The following RUFY2 variants were observed in gnomAD, a reference collection of about 807,000 sequenced individuals.
RUFY2 encodes RUN and FYVE domain containing 2, also known as RUN and FYVE domain-containing protein 2.
RUFY2 carries 49 observed loss-of-function variants against 94.4 expected under a neutral mutation model. The observed-to-expected ratio is 0.52, with a 90% confidence interval of 0.41 to 0.66. The LOEUF is 0.66. Among genes scored for constraint, RUFY2 ranks in the 30% least tolerant of loss-of-function variants. RUFY2 has a pLI of 0.00. For missense variants in RUFY2, 541 were observed against 692.8 expected (o/e 0.78, Z 2.46); for synonymous variants, 255 against 235.7 (o/e 1.08, Z -0.75).
intron 13 of RUFY2, among the ~76,000 whole-genome samples, chr10:68,376,560 T>C (rs1162993609): frequency 7.1e-6 from 1 of 140,354 alleles, no homozygotes; most frequent in Non-Finnish European, 1.5e-5. Flanking sequence ...ACTCAGCACC[T>C]AGAAACATAA....
At chr10:68,379,757 CAG>C (rs780234220) in intron 11 of RUFY2, among the ~76,000 whole-genome samples, 19 of 151,924 alleles carry the variant, frequency 1.3e-4, no homozygotes, top group Admixed American at 7.2e-4. Flanking sequence ...TTGAAATGAA[CAG>C]AGTTACTTTA....
intron 15 of RUFY2, among the ~76,000 whole-genome samples, chr10:68,358,415 C>T (rs943086700): frequency 2.0e-5 from 3 of 152,078 alleles, no homozygotes; most frequent in Non-Finnish European, 2.9e-5. Context: ...TTGACTCTTA[C>T]GGTGGAAATA....
intron 16 of RUFY2, among the ~76,000 whole-genome samples, chr10:68,349,561 CAG>C (rs1212797830): frequency 6.6e-6 from 1 of 151,674 alleles, no homozygotes; most frequent in African/African-American, 2.4e-5. Flanking sequence ...TTTTTTGAGA[CAG>C]AGTCTCGCTC....
At chr10:68,382,258 A>G (rs1367545791) in intron 10 of RUFY2, among the ~76,000 whole-genome samples, 6 of 149,778 alleles carry the variant, frequency 4.0e-5, no homozygotes, top group African/African-American at 1.5e-4. Context: ...GGGTTTCACC[A>G]TGTTAGCCAG....
At chr10:68,407,118 C>T in intron 1 of RUFY2, 68 bp downstream of exon 1, 4 of 1,515,856 alleles carry the variant, frequency 2.6e-6, no homozygotes, top group Non-Finnish European at 3.5e-6. Flanking sequence ...CCCAGTCCAC[C>T]CCGCCTGGCC....
chr10:68,388,241 G>A (rs1023754389), intron 7 of RUFY2, among the ~76,000 whole-genome samples: 1 of 152,024 alleles, frequency 6.6e-6, no homozygotes, highest in African/African-American at 2.4e-5. Context: ...GAGGTTGGTG[G>A]ATCATGAAGT....
chr10:68,367,379 T>A (rs1287398315), intron 13 of RUFY2, among the ~76,000 whole-genome samples: 1 of 152,196 alleles, frequency 6.6e-6, no homozygotes, highest in Non-Finnish European at 1.5e-5. Context: ...CATTAATAAA[T>A]CTGATGACTT....
chr10:68,367,981 T>TC (rs1375447729), intron 13 of RUFY2, among the ~76,000 whole-genome samples: 1 of 151,388 alleles, frequency 6.6e-6, no homozygotes, highest in Non-Finnish European at 1.5e-5. Context: ...TTTTTTTTTT[T>TC]TTGAGACGGA....
chr10:68,397,201 G>C (rs1372339811), intron 3 of RUFY2, among the ~76,000 whole-genome samples: 1 of 152,010 alleles, frequency 6.6e-6, no homozygotes, highest in African/African-American at 2.4e-5. Context: ...AAACCTAGAT[G>C]GTATACACAC....
At chr10:68,369,498 A>AC (rs2048104820) in intron 13 of RUFY2, among the ~76,000 whole-genome samples, 1 of 1,054 alleles carries the variant, frequency 9.5e-4, no homozygotes, top group Non-Finnish European at 1.6e-3. Flanking sequence ...AAAAAAAAAC[A>AC]AAAAAAAAAA....
intron 13 of RUFY2, among the ~76,000 whole-genome samples, chr10:68,367,831 G>A (rs1245772080): frequency 1.3e-5 from 2 of 149,764 alleles, no homozygotes; most frequent in Admixed American, 6.7e-5. Context: ...AACTCCTGGC[G>A]TCAAGCAATC....
At position 68,345,497 on chromosome 10, in the gene RUFY2, T is replaced by TA; in HGVS notation, c.*270dup. 2.4e-6 allele frequency: 1 copy of TA among 417,286 alleles called. No individual in the cohort carries two copies. Among genetic ancestry groups the TA allele is most frequent in the Non-Finnish European group, 4.2e-6 (1 of 237,844 alleles). 25.8% of individuals were successfully genotyped at this position (417,286 alleles called of 1,614,324 possible). A position where few individuals can be genotyped will look rare whatever the true frequency, so the allele number is the denominator to read the frequency against. ...TCTGAAGCCTTATTTTTAAGGCCTT[T>TA]ACAAGATAAGGCAAGTTGTGTTAGC... On this transcript the variant is annotated 3_prime_UTR_variant, in exon 18 of 18. Transcript: ENST00000602465.
At chr10:68,341,834 A>T (rs958766183), downstream of RUFY2, 2 of 1,610,234 alleles carry the variant, frequency 1.2e-6, no homozygotes, top group Non-Finnish European at 1.7e-6. Flanking sequence ...GGTACTCCTG[A>T]TGGTTTGGGT....
chr10:68,354,781 T>C (rs1197716291), intron 16 of RUFY2, among the ~76,000 whole-genome samples: 3 of 151,906 alleles, frequency 2.0e-5, no homozygotes, highest in East Asian at 3.9e-4. Flanking sequence ...CTCAAGTTCA[T>C]AGGCAATTTC....
At chr10:68,393,306 C>CA in intron 6 of RUFY2, 103 bp from the exon 7 acceptor site, 1 of 569,656 alleles carries the variant, frequency 1.8e-6, no homozygotes, top group Non-Finnish European at 3.0e-6. Context: ...AATAATAAAA[C>CA]ATTGTCTTGC....
Position 68,345,678 on chromosome 10 carries a change from G to A in RUFY2, c.*90C>T, listed in dbSNP as rs542180319. The A allele has an allele frequency of 8.9e-5, 108 of 1,215,068 alleles. No homozygotes were observed. In the African/African-American group the frequency reaches 1.0e-3, roughly 11 times the overall value. The allele number at this position is 1,215,068 out of a possible 1,614,324, so 75.3% of individuals were successfully genotyped here. A position where few individuals can be genotyped will look rare whatever the true frequency, so the allele number is the denominator to read the frequency against. ...TGGTACCAAATACTGACCGAAAGCC[G>A]CTTAAGGAGAGCTGTCTGGTTACCT... On this transcript the variant is annotated 3_prime_UTR_variant, in exon 18 of 18. Coordinates refer to ENST00000602465, the MANE Select transcript of RUFY2 (RefSeq NM_001330103.2).
At chr10:68,405,460 G>A in intron 1 of RUFY2, 1 of 977,476 alleles carries the variant, frequency 1.0e-6, no homozygotes, top group Middle Eastern at 5.3e-4. Context: ...CATAGAGAAT[G>A]AGTTTTTTAA....
At chr10:68,389,109 C>T (rs552482371) in intron 7 of RUFY2, among the ~76,000 whole-genome samples, 2 of 152,134 alleles carry the variant, frequency 1.3e-5, no homozygotes, top group South Asian at 4.1e-4. Context: ...CCATGTTGCC[C>T]AGGCTGGTCT....
At chr10:68,361,934 G>A (rs1244004972) in intron 15 of RUFY2, among the ~76,000 whole-genome samples, 1 of 152,152 alleles carries the variant, frequency 6.6e-6, no homozygotes, top group South Asian at 2.1e-4. Flanking sequence ...ACCTTTTTGT[G>A]CTATTTGAAT....
Sources: gnomAD v4.1 joint callset for allele counts (sites outside exome capture counted in the v4.1 genomes callset) on GRCh38, gnomAD v4.1.1 for gene constraint, MANE v1.5 for transcripts, NCBI Gene and HGNC (gene_info 2026-07-23, HGNC 2026-07-21) for gene names.